The following WNK1 variants were observed in gnomAD, a reference collection of about 807,000 sequenced individuals.
WNK1 encodes serine/threonine-protein kinase WNK1.
Under a neutral mutation model 222.8 loss-of-function variants are expected in WNK1, and 38 were observed. That is an observed-to-expected ratio of 0.17 (90% CI 0.13 to 0.22). The LOEUF (loss-of-function observed/expected upper bound fraction) is 0.22. Ranked by LOEUF, WNK1 falls within the 10% of genes least tolerant of loss-of-function variation. The pLI is 1.00. For synonymous variants in WNK1, 1,090 were observed against 1,092.9 expected (o/e 1.00, Z 0.05); for missense variants, 2,348 against 2,918.4 (o/e 0.80, Z 4.50).
chr12:884,954 G>T lies in WNK1; in HGVS notation c.4150G>T (p.Ala1384Ser), dbSNP rs1592172239. The T allele has an allele frequency of 6.2e-7, 1 of 1,614,204 alleles. No individual in the cohort carries two copies. Among genetic ancestry groups the T allele is most frequent in the East Asian group, 2.2e-5 (1 of 44,886 alleles). The change falls in exon 19 of 28, where the codon GCT becomes TCT. Residue 1384 changes from alanine to serine, a missense_variant. Physicochemically the swap from Ala to Ser is moderately conservative, Grantham distance 99. This residue lies in a region of WNK1 where 1,144 missense variants were observed against 1,273.6 expected (regional missense o/e 0.90). Transcript: ENST00000315939. The surrounding 1 kb of genome is among the most constrained non-coding windows in gnomAD (Gnocchi z 5.6). ...EVTVPTEEGI[A>S]GVATSTGVVT... ...TACAGTGCCCACTGAAGAGGGGATT[G>T]CTGGAGTTGCCACCAGCACAGGTGT...
chr12:861,231 A>G lies in WNK1; in HGVS notation c.1839A>G (p.Ile613Met), dbSNP rs1951197218. Residue 613 changes from isoleucine (I) to methionine (M), a missense_variant, in exon 7 of 28, where the codon ATA becomes ATG. Around this residue, in one of 13 missense-constraint regions of WNK1, gnomAD observed 103 missense variants for 111.5 expected, o/e 0.92. Coordinates refer to ENST00000315939, the MANE Select transcript of WNK1 (RefSeq NM_018979.4). ...IKQLPSASTG[I>M]PTASTTSASV... ...AGCTCCCTTCTGCTAGCACCGGCAT[A>G]CCTACTGCTTCTACCACTTCAGCTT... 1 of 1,614,096 alleles carries G rather than the reference A, an allele frequency of 6.2e-7. No individual in the cohort carries two copies. The highest frequency in any genetic ancestry group is 2.2e-5 in the East Asian group (1 of 44,892).
chr12:791,901 T>C (rs1944877515), intron 1 of WNK1, among the ~76,000 whole-genome samples: 1 of 152,146 alleles, frequency 6.6e-6, no homozygotes, highest in Non-Finnish European at 1.5e-5. Context: ...TGTCACTGCC[T>C]CCACTTCCCA....
At chr12:798,170 G>C (rs1416896743) in intron 1 of WNK1, among the ~76,000 whole-genome samples, 3 of 151,066 alleles carry the variant, frequency 2.0e-5, no homozygotes, top group African/African-American at 7.3e-5. Context: ...AAATTGCCTT[G>C]GTTTTTTTCT....
rs1274514252 is a variant in WNK1 at position 774,539 on chromosome 12, A to G, written c.759+20215A>G. Among the ~76,000 whole-genome samples the G allele has an allele frequency of 1.3e-5, 2 of 152,204 alleles. 1 individual carries two copies. The highest frequency in any genetic ancestry group is 2.9e-5 in the Non-Finnish European group (2 of 68,028). On this transcript the variant is annotated intron_variant, in intron 1 of 27. Coordinates refer to ENST00000315939, the MANE Select transcript of WNK1 (RefSeq NM_018979.4). ...GCCTACTTAGCCTTGTGAACAAAAC[A>G]CTGATCAGTACCTCAGATTTCACTG...
At chr12:807,806 G>A (rs1455346927) in intron 1 of WNK1, among the ~76,000 whole-genome samples, 4 of 131,354 alleles carry the variant, frequency 3.0e-5, no homozygotes, top group Admixed American at 1.9e-4. Context: ...TGCAAGCTCC[G>A]CCTCCCGGGT....
At position 885,380 on chromosome 12, in the gene WNK1, G is replaced by A. The variant is rs772706007; in HGVS notation, c.4576G>A (p.Ala1526Thr). 20 of 1,613,486 alleles carry A rather than the reference G, an allele frequency of 1.2e-5. No individual in the cohort carries two copies. The highest frequency in any genetic ancestry group is 4.4e-5 in the South Asian group (4 of 91,080). Residue 1526 changes from alanine to threonine, a missense_variant, in exon 19 of 28, where the codon GCA becomes ACA. Ala to Thr is a moderately conservative substitution (Grantham distance 58). This residue lies in a region of WNK1 where 1,144 missense variants were observed against 1,273.6 expected (regional missense o/e 0.90). Coordinates refer to ENST00000315939, the MANE Select transcript of WNK1 (RefSeq NM_018979.4). ...TTTAGCTGAAACCGTGGTAGTTAGC[G>A]CACACTCACTAGATAAGACATCTCA... ...PTLAETVVVS[A>T]HSLDKTSHSS...
chr12:862,530 T>C (rs972575954), intron 8 of WNK1, among the ~76,000 whole-genome samples: 7 of 152,236 alleles, frequency 4.6e-5, no homozygotes, highest in Non-Finnish European at 7.3e-5. Flanking sequence ...CTTTAGCACT[T>C]AAGATGTTGA....
intron 1 of WNK1, among the ~76,000 whole-genome samples, chr12:798,236 G>T (rs960221721): frequency 6.6e-6 from 1 of 150,718 alleles, no homozygotes; most frequent in African/African-American, 2.4e-5. Context: ...CTGTCGCCCA[G>T]GCTGGAGTGC....
chr12:756,060 CT>C (rs1275040086), intron 1 of WNK1, among the ~76,000 whole-genome samples: 2 of 152,196 alleles, frequency 1.3e-5, no homozygotes, highest in African/African-American at 4.8e-5. Context: ...AGACACATTT[CT>C]TTCTTGTACT....
At chr12:873,554 A>G (rs1243579048) in intron 9 of WNK1, among the ~76,000 whole-genome samples, 1 of 152,216 alleles carries the variant, frequency 6.6e-6, no homozygotes, top group Non-Finnish European at 1.5e-5. Context: ...AGTCACTTAG[A>G]TAATAAGGGA....
chr12:890,635 A>G (rs1954133249), intron 22 of WNK1, 122 bp downstream of exon 22: 2 of 1,001,202 alleles, frequency 2.0e-6, no homozygotes, highest in Admixed American at 2.0e-5. Flanking sequence ...CATTGGTAGT[A>G]ATATCTAAAG....
chr12:854,145 A>C (rs1459676857), intron 4 of WNK1, among the ~76,000 whole-genome samples: 1 of 151,774 alleles, frequency 6.6e-6, no homozygotes, highest in Non-Finnish European at 1.5e-5. Flanking sequence ...AGGTAGGAGG[A>C]TCGGTTGAAC....
At chr12:774,358 C>T (rs1176409649) in intron 1 of WNK1, among the ~76,000 whole-genome samples, 1 of 152,214 alleles carries the variant, frequency 6.6e-6, no homozygotes, top group Non-Finnish European at 1.5e-5. Context: ...TTCTCATCCC[C>T]TCCCTCTTGA....
At position 759,899 on chromosome 12, in the gene WNK1, T is replaced by C. The variant is rs1013424630; in HGVS notation, c.759+5575T>C. On this transcript the variant is annotated intron_variant, in intron 1 of 27. Transcript: ENST00000315939. ...ATGAACATATATAAAACATGTAGGATAGGGCCTGCCACATAAATATTAACT... is the reference window on the plus strand; with the variant it reads ...ATGAACATATATAAAACATGTAGGACAGGGCCTGCCACATAAATATTAACT... Among the ~76,000 whole-genome samples, 6 of 148,174 alleles carry C rather than the reference T, an allele frequency of 4.0e-5. 1 individual carries two copies.
At chr12:877,914 T>C (rs763953410) in intron 9 of WNK1, 5 of 409,124 alleles carry the variant, frequency 1.2e-5, no homozygotes, top group African/African-American at 4.1e-5. Flanking sequence ...TGTCTGGATA[T>C]GTTATGTAAA....
At chr12:862,646 T>C (rs988549961) in intron 8 of WNK1, among the ~76,000 whole-genome samples, 1 of 152,238 alleles carries the variant, frequency 6.6e-6, no homozygotes, top group African/African-American at 2.4e-5. Context: ...TCCTGTAAGA[T>C]TCCCTATTGT....
intron 2 of WNK1, among the ~76,000 whole-genome samples, chr12:820,210 AT>A (rs1378748935): frequency 6.6e-6 from 1 of 152,116 alleles, no homozygotes; most frequent in African/African-American, 2.4e-5. Flanking sequence ...GTGTCTGTCC[AT>A]TTATTTATGT....
chr12:881,513 A>G (rs1224341677), intron 12 of WNK1, 179 bp from the exon 13 acceptor site: 9 of 652,200 alleles, frequency 1.4e-5, no homozygotes, highest in Non-Finnish European at 1.7e-5. Flanking sequence ...AGCTTTAGCA[A>G]CTTCCTTTGG....
At chr12:786,565 T>G (rs1944327385) in intron 1 of WNK1, among the ~76,000 whole-genome samples, 1 of 152,004 alleles carries the variant, frequency 6.6e-6, no homozygotes, top group South Asian at 2.1e-4. Context: ...CCTCATGGGT[T>G]TAAGTGATTC....
Sources: allele counts gnomAD v4.1 joint callset (sites outside exome capture counted in the v4.1 genomes callset), GRCh38; gene constraint gnomAD v4.1.1; regional missense constraint gnomAD v4.1.1; non-coding constraint Gnocchi (gnomAD v3.1); transcripts MANE v1.5; gene names NCBI Gene and HGNC (gene_info 2026-07-23, HGNC 2026-07-21).